The following TPRA1 variants were observed in gnomAD, a reference collection of about 807,000 sequenced individuals.
The protein encoded by TPRA1 is transmembrane protein adipocyte-associated 1.
A neutral mutation model predicts 40.1 loss-of-function variants in TPRA1; 28 were observed. The observed-to-expected ratio is 0.70, with a 90% confidence interval of 0.52 to 0.96. TPRA1 has a LOEUF of 0.96. TPRA1 is among the 40% of genes least tolerant of loss of function. The probability of loss-of-function intolerance (pLI) is 0.00; values close to 1 mark genes in which losing one functional copy is unlikely to be tolerated. For synonymous variants in TPRA1, 219 were observed against 209.7 expected (o/e 1.04, Z -0.38); for missense variants, 441 against 482.6 (o/e 0.91, Z 0.81).
At chr3:127,591,777 A>G (rs1256780821), upstream of TPRA1, 1 of 152,156 alleles carries the variant, frequency 6.6e-6, no homozygotes, top group African/African-American at 2.4e-5. Flanking sequence ...CGTCATGAGG[A>G]TGGAGCCAAG....
rs184726239 is a variant in TPRA1 at position 127,586,685 on chromosome 3, C to T, written c.-18+3725G>A. Reference sequence around the variant, plus strand: ...TCCCCACCCCTATTATAAAGCCAAGCCAGGCAGAGTGAACGCCTGGTCCTA... The same window carrying T: ...TCCCCACCCCTATTATAAAGCCAAGTCAGGCAGAGTGAACGCCTGGTCCTA... On this transcript the variant is annotated intron_variant, in intron 1 of 10. Transcript: ENST00000355552. Among the ~76,000 whole-genome samples, 696 of 152,316 alleles carry T rather than the reference C, an allele frequency of 4.6e-3. 3 individuals carry two copies. The highest frequency in any genetic ancestry group is 0.015 in the African/African-American group (628 of 41,570).
At chr3:127,574,068 A>G (rs756354670) in intron 10 of TPRA1, among the ~76,000 whole-genome samples, 7 of 152,224 alleles carry the variant, frequency 4.6e-5, no homozygotes, top group Non-Finnish European at 7.3e-5. Context: ...AAGAATGGAC[A>G]TAAATCATGA....
At chr3:127,580,423 C>A (rs2073795516) in intron 1 of TPRA1, 1 of 424,648 alleles carries the variant, frequency 2.4e-6, no homozygotes, top group East Asian at 4.5e-5. Flanking sequence ...AGCTAAGCAT[C>A]TCCATGTGCA....
chr3:127,590,836 G>C (rs1285032264), upstream of TPRA1: 2 of 151,342 alleles, frequency 1.3e-5, no homozygotes, highest in Admixed American at 6.6e-5. Context: ...AAAAAAAAAA[G>C]TGGGAGAGAC....
chr3:127,597,571 G>T (rs533124743), intron 1 of TPRA1, among the ~76,000 whole-genome samples: 1 of 152,270 alleles, frequency 6.6e-6, no homozygotes, highest in South Asian at 2.1e-4. Flanking sequence ...GCACATCCGG[G>T]CCCTGCCATG....
At chr3:127,582,938 G>A (rs1266938645) in intron 1 of TPRA1, among the ~76,000 whole-genome samples, 2 of 152,082 alleles carry the variant, frequency 1.3e-5, no homozygotes, top group African/African-American at 2.4e-5. Flanking sequence ...GAGGTCAGGA[G>A]TTCGAGACCA....
At chr3:127,580,429 G>A in intron 1 of TPRA1, 2 of 403,276 alleles carry the variant, frequency 5.0e-6, no homozygotes, top group South Asian at 5.8e-5. Flanking sequence ...GCATCTCCAT[G>A]TGCAAGGCAC....
At position 127,571,829 on chromosome 3, in the gene TPRA1, AC is replaced by A. The variant is rs2073384962; in HGVS notation, c.*1691del. 6.6e-6 allele frequency: 1 copy of A among 152,130 alleles called. No individual in the cohort carries two copies. Among genetic ancestry groups the A allele is most frequent in the Admixed American group, 6.5e-5 (1 of 15,268 alleles). 9.4% of individuals were successfully genotyped at this position (152,130 alleles called of 1,614,324 possible). ...TACATATATGACCTATTTTTAAAAA[AC>A]AAACTTAAAAATTATAAAAATGGTC... On this transcript the variant is annotated 3_prime_UTR_variant, in exon 11 of 11. Transcript: ENST00000355552.
At chr3:127,598,227 A>AGCGCACGCGC (rs2074268341), upstream of TPRA1, 1 of 601,588 alleles carries the variant, frequency 1.7e-6, no homozygotes. Flanking sequence ...AGCGCAGGCG[A>AGCGCACGCGC]GCGCACGCGC....
chr3:127,580,812 G>A (rs1373747045), intron 1 of TPRA1, among the ~76,000 whole-genome samples: 1 of 152,240 alleles, frequency 6.6e-6, no homozygotes, highest in Admixed American at 6.5e-5. Context: ...AGGGGACACT[G>A]AGCCATGCCT....
Position 127,590,589 on chromosome 3 carries a change from AG to A in TPRA1, c.-198del. The A allele has an allele frequency of 6.6e-6, 1 of 152,274 alleles. No homozygotes were observed. Among genetic ancestry groups the A allele is most frequent in the Non-Finnish European group, 1.5e-5 (1 of 68,012 alleles). The allele number at this position is 152,274 out of a possible 1,614,324, so 9.4% of individuals were successfully genotyped here. A position where few individuals can be genotyped will look rare whatever the true frequency, so the allele number is the denominator to read the frequency against. ...CGGGCGCGACCGGCTCCGTGGAATG[AG>A]GGCTAGGCAGGAAAGGCGAGGCGGG... On this transcript the variant is annotated 5_prime_UTR_variant, in exon 1 of 11. Coordinates refer to ENST00000355552, the MANE Select transcript of TPRA1 (RefSeq NM_001136053.4).
chr3:127,575,036 A>C, intron 10 of TPRA1, 149 bp downstream of exon 10: 1 of 795,020 alleles, frequency 1.3e-6, no homozygotes, highest in Non-Finnish European at 2.0e-6. Context: ...GTGTATCTGT[A>C]TGTGTGTGCC....
Position 127,580,147 on chromosome 3 carries a change from C to T in TPRA1, c.-1G>A. 2.5e-6 allele frequency: 4 copies of T among 1,611,904 alleles called. No individual in the cohort carries two copies. Among genetic ancestry groups the T allele is most frequent in the Non-Finnish European group, 3.4e-6 (4 of 1,179,826 alleles). Reference sequence around the variant, plus strand: ...AAGTCACCTCCTCCAGGGTGTCCATCCCGCCAGCAGCCAGCCCTGGGGGAG... The same window carrying T: ...AAGTCACCTCCTCCAGGGTGTCCATTCCGCCAGCAGCCAGCCCTGGGGGAG... On this transcript the variant is annotated 5_prime_UTR_variant, in exon 2 of 11. Coordinates refer to ENST00000355552, the MANE Select transcript of TPRA1 (RefSeq NM_001136053.4).
rs371637924 is a variant in TPRA1 at position 127,576,927 on chromosome 3, C to G, written c.346-34G>C. On this transcript the variant is annotated intron_variant, in intron 4 of 10. Coordinates refer to ENST00000355552, the MANE Select transcript of TPRA1 (RefSeq NM_001136053.4). This position sits in a 1 kb window ranked among gnomAD's most constrained non-coding sequence, Gnocchi z 4.6. ...AGAGTGGGCACAGCGTCAGCCTGGA[C>G]CAGCATCCCCAGCCCACCCCAGGCC... 4.8e-5 allele frequency: 77 copies of G among 1,613,472 alleles called. No homozygotes were observed. The highest frequency in any genetic ancestry group is 5.3e-5 in the Non-Finnish European group (62 of 1,179,942).
intron 1 of TPRA1, among the ~76,000 whole-genome samples, chr3:127,585,146 G>T (rs1281717229): frequency 6.6e-6 from 1 of 152,128 alleles, no homozygotes; most frequent in Non-Finnish European, 1.5e-5. Flanking sequence ...GAATATAAAG[G>T]TACTGCTTGG....
intron 1 of TPRA1, among the ~76,000 whole-genome samples, chr3:127,585,120 T>C (rs1252184290): frequency 2.0e-5 from 3 of 152,218 alleles, no homozygotes; most frequent in Non-Finnish European, 2.9e-5. Context: ...TTTCAACAGC[T>C]AGCCCAAATC....
chr3:127,580,721 G>A (rs2073805817), intron 1 of TPRA1, among the ~76,000 whole-genome samples: 1 of 152,266 alleles, frequency 6.6e-6, no homozygotes, highest in Non-Finnish European at 1.5e-5. Flanking sequence ...CAGCGCTGCT[G>A]AGGGCCAGAG....
chr3:127,587,909 A>G lies in TPRA1; in HGVS notation c.-18+2501T>C, dbSNP rs9816471. ...GCCCCCATTGCTGTGGGGTCTGAGG[A>G]AACACAGAGGAGGTGTCAGCTGCTC... On this transcript the variant is annotated intron_variant, in intron 1 of 10. Transcript: ENST00000355552. 4.5e-3 allele frequency among the ~76,000 whole-genome samples: 691 copies of G among 152,246 alleles called. 3 individuals carry two copies. The highest frequency in any genetic ancestry group is 0.015 in the African/African-American group (623 of 41,536).
chr3:127,589,898 T>C (rs1170180484), intron 1 of TPRA1, among the ~76,000 whole-genome samples: 3 of 152,080 alleles, frequency 2.0e-5, no homozygotes, highest in Non-Finnish European at 4.4e-5. Flanking sequence ...CTGCGGCCCC[T>C]CCTCACTGCA....
Sources: allele counts gnomAD v4.1 joint callset (sites outside exome capture counted in the v4.1 genomes callset), GRCh38; gene constraint gnomAD v4.1.1; non-coding constraint Gnocchi (gnomAD v3.1); transcripts MANE v1.5; gene names NCBI Gene and HGNC (gene_info 2026-07-23, HGNC 2026-07-21).